Variants in CASZ1 observed in about 807,000 individuals in gnomAD.
CASZ1 encodes castor zinc finger 1.
Under a neutral mutation model 135.2 loss-of-function variants are expected in CASZ1, and 28 were observed. The observed-to-expected ratio is 0.21, with a 90% CI of 0.15 to 0.28. The LOEUF is 0.28. Ranked by LOEUF, CASZ1 falls within the 10% of genes least tolerant of loss-of-function variation. CASZ1 has a pLI of 1.00. For synonymous variants in CASZ1, 1,068 were observed against 1,073.4 expected, an observed-to-expected ratio of 0.99 and a Z score of 0.10; for missense variants, 2,161 against 2,453.3, an observed-to-expected ratio of 0.88 and a Z score of 2.52.
chr1:10,714,164 G>C (rs568777939), intron 2 of CASZ1, among the ~76,000 whole-genome samples: 1 of 152,122 alleles, frequency 6.6e-6, no homozygotes, highest in East Asian at 1.9e-4. Context: ...AAAATTAGCC[G>C]GTGTGGTGGC....
In CASZ1 at chr1:10,665,125, C is replaced by T. The variant is rs558519323; in HGVS notation, c.463G>A (p.Ala155Thr). The part of the protein sequence containing the change: ...ALEEKDSDGA[A>T]SKEDSGPSTR... ...CTGGGGCCGCTGTCCTCCTTGGAGGCTGCCCCGTCCGAATCCTTCTCCTCC... is the reference window on the plus strand; with the variant it reads ...CTGGGGCCGCTGTCCTCCTTGGAGGTTGCCCCGTCCGAATCCTTCTCCTCC... Residue 155 changes from alanine to threonine, a missense_variant, in exon 5 of 21, where the codon GCC (alanine) becomes ACC (threonine). This residue lies in a region of CASZ1 where 590 missense variants were observed against 609.8 expected (regional missense o/e 0.97). Coordinates refer to ENST00000377022, the MANE Select transcript of CASZ1 (RefSeq NM_001079843.3). 2.0e-6 allele frequency: 3 copies of T among 1,519,102 alleles called. No homozygotes were observed. The highest frequency in any genetic ancestry group is 1.8e-4 in the Middle Eastern group (1 of 5,522). 94.1% of individuals were successfully genotyped at this position (1,519,102 alleles called of 1,614,324 possible).
rs536653959 is a variant in CASZ1 at position 10,757,384 on chromosome 1, C to T, written c.-77+3317G>A. 4.6e-5 allele frequency among the ~76,000 whole-genome samples: 7 copies of T among 152,312 alleles called. No individual in the cohort carries two copies. In the South Asian group the frequency reaches 6.2e-4, roughly 14 times the overall value. On this transcript the variant is annotated intron_variant, in intron 2 of 20. Transcript: ENST00000377022. This position sits in a 1 kb window ranked among gnomAD's most constrained non-coding sequence, Gnocchi z 4.6. Reference sequence around the variant, plus strand: ...CACATACAGGCTCTGACCCCTTCCCCGCCTGTCCACCTCCTCCTCACCCAG... The same window carrying T: ...CACATACAGGCTCTGACCCCTTCCCTGCCTGTCCACCTCCTCCTCACCCAG...
chr1:10,647,408 G>A lies in CASZ1; in HGVS notation c.3497+393C>T, dbSNP rs890710267. On this transcript the variant is annotated intron_variant, in intron 16 of 20. Coordinates refer to ENST00000377022, the MANE Select transcript of CASZ1 (RefSeq NM_001079843.3). The surrounding 1 kb of genome is among the most constrained non-coding windows in gnomAD (Gnocchi z 4.9). ...TACCCGTGACTTCACGTGCCCTGCAGAGATTCAGCCATGGGTGTGAGCCAC... is the reference window on the plus strand; with the variant it reads ...TACCCGTGACTTCACGTGCCCTGCAAAGATTCAGCCATGGGTGTGAGCCAC... 1 of 1,105,942 alleles carries A rather than the reference G, an allele frequency of 9.0e-7. No homozygotes were observed. The highest frequency in any genetic ancestry group is 1.1e-6 in the Non-Finnish European group (1 of 902,844). 68.5% of individuals were successfully genotyped at this position (1,105,942 alleles called of 1,614,324 possible). A position where few individuals can be genotyped will look rare whatever the true frequency, so the allele number is the denominator to read the frequency against.
rs974198001 is a variant in CASZ1 at position 10,697,413 on chromosome 1, C to T, written c.-23-3501G>A. Among the ~76,000 whole-genome samples, 2 of 152,162 alleles carry T rather than the reference C, an allele frequency of 1.3e-5. No homozygotes were observed. The highest frequency in any genetic ancestry group is 6.5e-5 in the Admixed American group (1 of 15,284). ...AGGGATGGAAGTCCAATGCCATAAT[C>T]TCTTCTGATCTTGAGTCCCTGGGCC... On this transcript the variant is annotated intron_variant, in intron 3 of 20. Transcript: ENST00000377022. The surrounding 1 kb of genome is among the most constrained non-coding windows in gnomAD (Gnocchi z 4.7).
chr1:10,728,097 C>A (rs576479391), intron 2 of CASZ1, among the ~76,000 whole-genome samples: 5 of 152,364 alleles, frequency 3.3e-5, no homozygotes, highest in Admixed American at 3.3e-4. Flanking sequence ...GGGTATGGGG[C>A]CTTCCAGTGT....
At chr1:10,713,259 G>C (rs180757533) in intron 2 of CASZ1, among the ~76,000 whole-genome samples, 2 of 152,166 alleles carry the variant, frequency 1.3e-5, no homozygotes, top group Non-Finnish European at 2.9e-5. Flanking sequence ...ATCATGTGCC[G>C]CTCCCAAGCC....
intron 9 of CASZ1, among the ~76,000 whole-genome samples, chr1:10,655,157 C>T (rs1050963763): frequency 6.6e-6 from 1 of 152,302 alleles, no homozygotes. Context: ...GGTGGCCCCC[C>T]TCTCCTCGTG....
At position 10,765,406 on chromosome 1, in the gene CASZ1, TA is replaced by T. The variant is rs552873087; in HGVS notation, c.-233-4550del. Among the ~76,000 whole-genome samples the T allele has an allele frequency of 2.9e-4, 43 of 149,536 alleles. 2 individuals are homozygous for T. The South Asian group carries it at 8.9e-3, about 31-fold the overall frequency. On this transcript the variant is annotated intron_variant, in intron 1 of 20. Coordinates refer to ENST00000377022, the MANE Select transcript of CASZ1 (RefSeq NM_001079843.3). The stretch of plus-strand genomic sequence containing the variant: ...ATGGAAAAGGAAAAAAAAAAAACAA[TA>T]AAAAAATCCACATCTTAATACAAAA...
At chr1:10,740,689 C>T (rs6700483) in intron 2 of CASZ1, among the ~76,000 whole-genome samples, 25,502 of 152,136 alleles carry the variant, frequency 0.17, 2,193 homozygotes, top group South Asian at 0.25. Context: ...TCGCTCATGC[C>T]TGTAATCCCC....
intron 2 of CASZ1, among the ~76,000 whole-genome samples, chr1:10,714,113 C>A (rs1009624317): frequency 6.6e-6 from 1 of 152,140 alleles, no homozygotes; most frequent in Non-Finnish European, 1.5e-5. Flanking sequence ...TCGAGACCAG[C>A]CTGGCCAACA....
rs1639193959 is a variant in CASZ1 at position 10,707,112 on chromosome 1, T to G, written c.-76-1568A>C. On this transcript the variant is annotated intron_variant, in intron 2 of 20. Transcript: ENST00000377022. This position sits in a 1 kb window ranked among gnomAD's most constrained non-coding sequence, Gnocchi z 5.0. ...CCTGGCTGGGGTGTCATCTTCACTG[T>G]CCCGTCCGTCCCACACACTCCTGTC... 6.6e-6 allele frequency among the ~76,000 whole-genome samples: 1 copy of G among 151,868 alleles called. No homozygotes were observed. Among genetic ancestry groups the G allele is most frequent in the Non-Finnish European group, 1.5e-5 (1 of 67,944 alleles).
chr1:10,775,437 C>G (rs536503768), intron 1 of CASZ1, among the ~76,000 whole-genome samples: 1 of 152,152 alleles, frequency 6.6e-6, no homozygotes, highest in South Asian at 2.1e-4. Context: ...GACCATTCGG[C>G]TCAATGTGAA....
chr1:10,779,815 G>A (rs1330854040), intron 1 of CASZ1, among the ~76,000 whole-genome samples: 2 of 152,220 alleles, frequency 1.3e-5, no homozygotes, highest in Non-Finnish European at 2.9e-5. Context: ...TTATTCCGTC[G>A]TGATATTCCT....
At chr1:10,684,210 C>T (rs1218131606) in intron 4 of CASZ1, among the ~76,000 whole-genome samples, 1 of 152,026 alleles carries the variant, frequency 6.6e-6, no homozygotes, top group African/African-American at 2.4e-5. Context: ...GTGGGGGTTC[C>T]CTTGTCCGCA....
In CASZ1 at chr1:10,767,099, G is replaced by A. The variant is rs555482129; in HGVS notation, c.-233-6242C>T. Among the ~76,000 whole-genome samples the A allele has an allele frequency of 2.9e-4, 44 of 152,308 alleles. No homozygotes were observed. The Middle Eastern group carries it at 0.01, about 35-fold the overall frequency. ...CCTCTGCGCCCGTTGACTGCTGATG[G>A]AAGGAACGAGGAGTGGGGAAAAGAT... is the stretch of plus-strand genomic sequence containing the variant. On this transcript the variant is annotated intron_variant, in intron 1 of 20. Transcript: ENST00000377022. The surrounding 1 kb of genome is among the most constrained non-coding windows in gnomAD (Gnocchi z 4.2).
Position 10,766,124 on chromosome 1 carries a change from T to G in CASZ1, c.-233-5267A>C, listed in dbSNP as rs373554349. Among the ~76,000 whole-genome samples the G allele has an allele frequency of 2.8e-4, 42 of 152,060 alleles. 1 individual carries two copies. The South Asian group carries it at 7.1e-3, about 26-fold the overall frequency. On this transcript the variant is annotated intron_variant, in intron 1 of 20. Transcript: ENST00000377022. ...GGGCCCCAGAAAATGCAGGGGCCACTGATGATCTATCTGCAGGAACCAAAT... is the reference window on the plus strand; with the variant it reads ...GGGCCCCAGAAAATGCAGGGGCCACGGATGATCTATCTGCAGGAACCAAAT...
chr1:10,716,724 A>C lies in CASZ1; in HGVS notation c.-76-11180T>G, dbSNP rs1020600661. On this transcript the variant is annotated intron_variant, in intron 2 of 20. Coordinates refer to ENST00000377022, the MANE Select transcript of CASZ1 (RefSeq NM_001079843.3). The stretch of plus-strand genomic sequence containing the variant: ...TGGAGGGGCTCCCCAAGAGCTGCCC[A>C]GTGGCAGGTAGCACAGAAAGTCCTG... 2.0e-5 allele frequency among the ~76,000 whole-genome samples: 3 copies of C among 152,224 alleles called. No homozygotes were observed. In the East Asian group the frequency reaches 5.8e-4, roughly 29 times the overall value.
At chr1:10,648,791 C>A (rs576396256) in intron 15 of CASZ1, 2 of 462,776 alleles carry the variant, frequency 4.3e-6, no homozygotes. Flanking sequence ...GCAGGGAGCA[C>A]GTGCTGGGAC....
chr1:10,745,687 C>A (rs79180527), intron 2 of CASZ1, among the ~76,000 whole-genome samples: 3,564 of 152,234 alleles, frequency 0.023, 134 homozygotes, highest in African/African-American at 0.081. Flanking sequence ...GAAGATCAGA[C>A]GACCTGGGTT....
Sources: allele counts gnomAD v4.1 joint callset (sites outside exome capture counted in the v4.1 genomes callset), GRCh38; gene constraint gnomAD v4.1.1; regional missense constraint gnomAD v4.1.1; non-coding constraint Gnocchi (gnomAD v3.1); transcripts MANE v1.5; gene names NCBI Gene and HGNC (gene_info 2026-07-23, HGNC 2026-07-21).